Variants in CCDC7 observed in about 807,000 individuals in gnomAD.
The protein encoded by CCDC7 is coiled-coil domain-containing protein 7.
CCDC7 carries 183 observed loss-of-function variants against 196.9 expected under a neutral mutation model. That is an observed-to-expected ratio of 0.93 (90% CI 0.82 to 1.05). CCDC7 has a LOEUF of 1.05. Among genes scored for constraint, CCDC7 ranks in the 50% least tolerant of loss-of-function variants. The pLI is 0.00. For missense variants in CCDC7, 1,540 were observed against 1,482.2 expected, an observed-to-expected ratio of 1.04 and a Z score of -0.64; for synonymous variants, 525 against 484.6, an observed-to-expected ratio of 1.08 and a Z score of -1.10.
At chr10:32,497,194 A>G (rs1380562800) in intron 9 of CCDC7, among the ~76,000 whole-genome samples, 3 of 152,174 alleles carry the variant, frequency 2.0e-5, no homozygotes, top group Non-Finnish European at 2.9e-5. Context: ...TGTTTATAGT[A>G]TTCTCTGATG....
At chr10:32,626,523 A>G (rs1287590244) in intron 18 of CCDC7, among the ~76,000 whole-genome samples, 1 of 151,904 alleles carries the variant, frequency 6.6e-6, no homozygotes, top group Admixed American at 6.6e-5. Flanking sequence ...GTCTCTTCAA[A>G]TTATTAATAA....
At chr10:32,504,365 G>A (rs975975675) in intron 9 of CCDC7, among the ~76,000 whole-genome samples, 6 of 151,882 alleles carry the variant, frequency 4.0e-5, no homozygotes, top group African/African-American at 1.2e-4. Flanking sequence ...TGCCTGCCTC[G>A]GCCTCCCAAA....
intron 9 of CCDC7, among the ~76,000 whole-genome samples, chr10:32,504,448 A>G (rs1361143820): frequency 6.6e-6 from 1 of 151,776 alleles, no homozygotes; most frequent in African/African-American, 2.4e-5. Flanking sequence ...CCTTCTATGA[A>G]CTATTGGCTT....
Position 32,579,430 on chromosome 10 carries a change from G to T in CCDC7, c.1455-3604G>T, listed in dbSNP as rs138337867. ...AGATAATTATCCAACTAATATGGCT[G>T]TGTACCTGTTCTCGGTTTAATAATT... On this transcript the variant is annotated intron_variant, in intron 16 of 41. Coordinates refer to ENST00000639629, the Ensembl canonical transcript of CCDC7. Among the ~76,000 whole-genome samples the T allele has an allele frequency of 6.2e-3, 941 of 152,266 alleles. 6 individuals are homozygous for T. Among genetic ancestry groups the T allele is most frequent in the African/African-American group, 0.021 (881 of 41,546 alleles).
chr10:32,826,330 G>A (rs952803536), intron 32 of CCDC7, among the ~76,000 whole-genome samples: 2 of 152,150 alleles, frequency 1.3e-5, no homozygotes, highest in African/African-American at 4.8e-5. Context: ...TCCAGCACAG[G>A]AAAAAGATGC....
intron 21 of CCDC7, among the ~76,000 whole-genome samples, chr10:32,677,404 A>G (rs546790366): frequency 5.8e-4 from 88 of 152,132 alleles, no homozygotes; most frequent in Middle Eastern, 3.4e-3. Flanking sequence ...CACTCCTTGT[A>G]AGGCTGGTCT....
upstream of CCDC7, among the ~76,000 whole-genome samples, chr10:32,447,594 C>T (rs374178663): frequency 5.9e-5 from 9 of 152,124 alleles, no homozygotes; most frequent in East Asian, 1.4e-3. Flanking sequence ...GTGTCACAAT[C>T]GGCATGAGAA....
intron 41 of CCDC7, among the ~76,000 whole-genome samples, chr10:32,870,767 T>G (rs1188129609): frequency 6.6e-6 from 1 of 152,228 alleles, no homozygotes; most frequent in East Asian, 1.9e-4. Context: ...TTGAGATACA[T>G]CCCATCAATA....
exon 11 of CCDC7, chr10:32,518,446 T>C: frequency 1.9e-6 from 3 of 1,605,698 alleles, no homozygotes; most frequent in South Asian, 2.2e-5. Flanking sequence ...TGATTTTCAG[T>C]TGTTATCAGA....
At chr10:32,684,113 G>A (rs1476074826) in intron 21 of CCDC7, among the ~76,000 whole-genome samples, 1 of 152,160 alleles carries the variant, frequency 6.6e-6, no homozygotes, top group East Asian at 1.9e-4. Flanking sequence ...GAGGTGGGTT[G>A]CTGTGCTGGG....
At chr10:32,728,921 T>C (rs2083504311) in exon 27 of CCDC7, 1 of 1,608,604 alleles carries the variant, frequency 6.2e-7, no homozygotes, top group African/African-American at 1.3e-5. Flanking sequence ...ATGTGATTTC[T>C]GTTCATCAAG....
At chr10:32,781,614 C>T (rs73255971) in intron 29 of CCDC7, among the ~76,000 whole-genome samples, 8,096 of 152,136 alleles carry the variant, frequency 0.053, 721 homozygotes, top group African/African-American at 0.18. Flanking sequence ...TACCCTTTCA[C>T]GTAAAAACAG....
At chr10:32,666,558 G>A (rs2072785928) in intron 21 of CCDC7, among the ~76,000 whole-genome samples, 1 of 139,788 alleles carries the variant, frequency 7.2e-6, no homozygotes, top group Non-Finnish European at 1.5e-5. Flanking sequence ...CCCAGTGTGT[G>A]ATGTTCCCCT....
intron 24 of CCDC7, among the ~76,000 whole-genome samples, chr10:32,703,241 T>C (rs905858789): frequency 7.9e-5 from 12 of 152,158 alleles, no homozygotes; most frequent in East Asian, 5.8e-4. Flanking sequence ...ACTTGCTTGT[T>C]TGTAAAGGAT....
At chr10:32,493,422 TTATC>T (rs1272967555) in intron 9 of CCDC7, among the ~76,000 whole-genome samples, 1 of 150,810 alleles carries the variant, frequency 6.6e-6, no homozygotes, top group East Asian at 1.9e-4. Flanking sequence ...CACATGTTCT[TTATC>T]TATTTTTACA....
intron 16 of CCDC7, among the ~76,000 whole-genome samples, chr10:32,579,698 T>TAA (rs2058563836): frequency 6.6e-6 from 1 of 152,134 alleles, no homozygotes; most frequent in African/African-American, 2.4e-5. Flanking sequence ...ACATCCTACT[T>TAA]AATCTGAGAT....
intron 31 of CCDC7, among the ~76,000 whole-genome samples, chr10:32,819,888 C>T (rs1453512303): frequency 1.3e-5 from 2 of 151,960 alleles, no homozygotes; most frequent in African/African-American, 4.8e-5. Context: ...TGGAAGCATT[C>T]CCTTTGAAAA....
At chr10:32,465,660 C>G (rs1397400604) in intron 5 of CCDC7, among the ~76,000 whole-genome samples, 1 of 152,108 alleles carries the variant, frequency 6.6e-6, no homozygotes, top group Non-Finnish European at 1.5e-5. Flanking sequence ...TCCAAACTTT[C>G]TCCCTAGGCA....
intron 18 of CCDC7, among the ~76,000 whole-genome samples, chr10:32,588,398 G>A (rs1164087977): frequency 1.3e-5 from 2 of 149,012 alleles, no homozygotes; most frequent in Admixed American, 1.3e-4. Context: ...CATTTTTTTT[G>A]CATCAATTGA....
Sources: gnomAD v4.1 joint callset for allele counts (sites outside exome capture counted in the v4.1 genomes callset) on GRCh38, gnomAD v4.1.1 for gene constraint, MANE v1.5 for transcripts, NCBI Gene and HGNC (gene_info 2026-07-23, HGNC 2026-07-21) for gene names.